USP46: variants seen among roughly 807,000 people sequenced by gnomAD.
USP46 encodes the protein ubiquitin specific peptidase 46.
Under a neutral mutation model 44.4 loss-of-function variants are expected in USP46, and 12 were observed. The observed-to-expected ratio is 0.27, with a 90% CI of 0.17 to 0.44. The LOEUF is 0.44. Ranked by LOEUF, USP46 falls within the 20% of genes least tolerant of loss-of-function variation. The pLI is 1.00. For missense variants in USP46, 248 were observed against 444.8 expected (o/e 0.56, Z 3.98); for synonymous variants, 155 against 161.5 (o/e 0.96, Z 0.31).
intron 1 of USP46, among the ~76,000 whole-genome samples, chr4:52,644,848 G>C (rs998650450): frequency 2.6e-5 from 4 of 151,794 alleles, no homozygotes; most frequent in Non-Finnish European, 5.9e-5. Flanking sequence ...ACGCGGTCAG[G>C]AGTTTGAGAC....
chr4:52,606,592 G>A (rs147532448), intron 5 of USP46, among the ~76,000 whole-genome samples: 119 of 152,180 alleles, frequency 7.8e-4, no homozygotes, highest in African/African-American at 2.6e-3. Context: ...AATTATCTCC[G>A]CCTGGCCCCA....
intron 3 of USP46, among the ~76,000 whole-genome samples, chr4:52,627,448 C>T (rs1273648764): frequency 1.3e-5 from 2 of 152,162 alleles, no homozygotes; most frequent in Admixed American, 6.5e-5. Flanking sequence ...AAAATCAGGA[C>T]TTTTAAAAAC....
At chr4:52,644,714 C>T (rs936269876) in intron 1 of USP46, among the ~76,000 whole-genome samples, 3 of 148,424 alleles carry the variant, frequency 2.0e-5, no homozygotes, top group Non-Finnish European at 4.4e-5. Context: ...GTTTGGGGAC[C>T]GCTATCTTAC....
At position 52,591,706 on chromosome 4, in the gene USP46, T is replaced by C. The variant is rs149674317; in HGVS notation, c.*5934A>G. 72 of 152,348 alleles carry C rather than the reference T, an allele frequency of 4.7e-4. No homozygotes were observed. The highest frequency in any genetic ancestry group is 1.6e-3 in the African/African-American group (68 of 41,586). The allele number at this position is 152,348 out of a possible 1,614,324, so 9.4% of individuals were successfully genotyped here. ...CTTTGTAAGCTCCTGATGTCTTTTG[T>C]TCAAATCCCTTTAAAACATAAAGGA... On this transcript the variant is annotated 3_prime_UTR_variant, in exon 9 of 9. Coordinates refer to ENST00000441222, the MANE Select transcript of USP46 (RefSeq NM_022832.4).
rs1716012830 is a variant in USP46 at position 52,591,585 on chromosome 4, CAT to C, written c.*6053_*6054del. ...TTGTTAATATATAGTTTATTATAAT[CAT>C]GTGGGAAGTAAGCACACAATTAGAA... is the stretch of plus-strand genomic sequence containing the variant. On this transcript the variant is annotated 3_prime_UTR_variant, in exon 9 of 9. Transcript: ENST00000441222. 1.3e-5 allele frequency: 2 copies of C among 152,200 alleles called. No homozygotes were observed. Among genetic ancestry groups the C allele is most frequent in the Admixed American group, 6.5e-5 (1 of 15,284 alleles). 9.4% of individuals were successfully genotyped at this position (152,200 alleles called of 1,614,324 possible). A position where few individuals can be genotyped will look rare whatever the true frequency, so the allele number is the denominator to read the frequency against.
In USP46 at chr4:52,659,006, A is replaced by ACACCGCCGC; in HGVS notation, c.36+108_36+109insGCGGCGGTG. On this transcript the variant is annotated intron_variant, in intron 1 of 8. Transcript: ENST00000441222. The surrounding 1 kb of genome is among the most constrained non-coding windows in gnomAD (Gnocchi z 4.2). The stretch of plus-strand genomic sequence containing the variant: ...GGGCCGGGAACTTCTGGCGGCGCGG[A>ACACCGCCGC]CCCCGCCGCCCCCGCCGCCCCAGCC... 1 of 1,328,924 alleles carries ACACCGCCGC rather than the reference A, an allele frequency of 7.5e-7. No individual in the cohort carries two copies. The highest frequency in any genetic ancestry group is 9.9e-7 in the Non-Finnish European group (1 of 1,005,482). 82.3% of individuals were successfully genotyped at this position (1,328,924 alleles called of 1,614,324 possible).
chr4:52,627,288 C>A (rs1170650309), intron 3 of USP46, among the ~76,000 whole-genome samples: 1 of 152,160 alleles, frequency 6.6e-6, no homozygotes, highest in Non-Finnish European at 1.5e-5. Flanking sequence ...TAACCATGCA[C>A]GTCTGATGAA....
chr4:52,610,404 G>A, intron 5 of USP46, 137 bp downstream of exon 5: 2 of 747,680 alleles, frequency 2.7e-6, no homozygotes, highest in East Asian at 5.4e-5. Context: ...TCGCTCTTGG[G>A]AAAGGAGAGA....
At chr4:52,608,902 T>A (rs1716807121) in intron 5 of USP46, among the ~76,000 whole-genome samples, 1 of 151,988 alleles carries the variant, frequency 6.6e-6, no homozygotes, top group African/African-American at 2.4e-5. Flanking sequence ...AAGGGGAGAT[T>A]CTGGGAAGGA....
At chr4:52,639,924 G>A (rs938586732) in intron 1 of USP46, among the ~76,000 whole-genome samples, 11 of 137,896 alleles carry the variant, frequency 8.0e-5, no homozygotes, top group Non-Finnish European at 1.5e-4. Context: ...GGCTGGTCTC[G>A]AAATTCCTGG....
intron 4 of USP46, among the ~76,000 whole-genome samples, chr4:52,618,350 C>T (rs1187163577): frequency 1.3e-5 from 2 of 152,076 alleles, no homozygotes; most frequent in East Asian, 3.9e-4. Context: ...ATTAACCAGG[C>T]ATGGTGGCAG....
At chr4:52,636,183 A>C (rs1718109702) in intron 1 of USP46, among the ~76,000 whole-genome samples, 1 of 152,128 alleles carries the variant, frequency 6.6e-6, no homozygotes. Context: ...AAGAGATCAG[A>C]GTGAGGCAAT....
chr4:52,609,886 T>C (rs1169796838), intron 5 of USP46, among the ~76,000 whole-genome samples: 3 of 98,242 alleles, frequency 3.1e-5, no homozygotes, highest in Non-Finnish European at 4.0e-5. Flanking sequence ...AACCTAAACC[T>C]CAATTCTATT....
chr4:52,634,559 G>T (rs1718040552), intron 1 of USP46, among the ~76,000 whole-genome samples: 1 of 151,368 alleles, frequency 6.6e-6, no homozygotes, highest in Admixed American at 6.6e-5. Flanking sequence ...TGAGTAGCTG[G>T]GATTACAGGC....
At position 52,656,512 on chromosome 4, in the gene USP46, T is replaced by A. The variant is rs939675967; in HGVS notation, c.36+2603A>T. ...AGCCTTCCTATACATGGGAGGTGTT[T>A]ATATTAGTGGTTGCTTCCACCAGGT... On this transcript the variant is annotated intron_variant, in intron 1 of 8. Transcript: ENST00000441222. 7 of 1,427,738 alleles carry A rather than the reference T, an allele frequency of 4.9e-6. No individual in the cohort carries two copies. In the African/African-American group the frequency reaches 8.6e-5, roughly 18 times the overall value. 88.4% of individuals were successfully genotyped at this position (1,427,738 alleles called of 1,614,324 possible). A position where few individuals can be genotyped will look rare whatever the true frequency, so the allele number is the denominator to read the frequency against.
chr4:52,632,968 G>GAA (rs746313855), intron 1 of USP46, among the ~76,000 whole-genome samples: 46 of 74,832 alleles, frequency 6.1e-4, no homozygotes, highest in Non-Finnish European at 9.2e-4. Flanking sequence ...AAGAAAGAAA[G>GAA]AAAGAAAGAA....
At chr4:52,613,097 G>A (rs1386988722) in intron 4 of USP46, among the ~76,000 whole-genome samples, 3 of 152,162 alleles carry the variant, frequency 2.0e-5, no homozygotes, top group Non-Finnish European at 2.9e-5. Flanking sequence ...ACTTGGAGGA[G>A]GAGAGCTGTA....
At position 52,649,522 on chromosome 4, in the gene USP46, G is replaced by A. The variant is rs567925581; in HGVS notation, c.36+9593C>T. Reference sequence around the variant, plus strand: ...GCCTTGCTGCTCTAAAAATGGTCCCGAAACCAGCATTATCTGTACCACCAG... The same window carrying A: ...GCCTTGCTGCTCTAAAAATGGTCCCAAAACCAGCATTATCTGTACCACCAG... On this transcript the variant is annotated intron_variant, in intron 1 of 8. Transcript: ENST00000441222. Among the ~76,000 whole-genome samples the A allele has an allele frequency of 4.6e-5, 7 of 152,278 alleles. No homozygotes were observed. In the East Asian group the frequency reaches 5.8e-4, roughly 13 times the overall value.
At chr4:52,642,073 A>G (rs1718363342) in intron 1 of USP46, among the ~76,000 whole-genome samples, 1 of 152,226 alleles carries the variant, frequency 6.6e-6, no homozygotes, top group South Asian at 2.1e-4. Context: ...GACAAAGATC[A>G]TTCCTATAGT....
Sources: gnomAD v4.1 joint callset for allele counts (sites outside exome capture counted in the v4.1 genomes callset) on GRCh38, gnomAD v4.1.1 for gene constraint, Gnocchi (gnomAD v3.1) non-coding constraint, MANE v1.5 for transcripts, NCBI Gene and HGNC (gene_info 2026-07-23, HGNC 2026-07-21) for gene names.